Variants in XPO5 observed in about 807,000 individuals in gnomAD.
XPO5 encodes exportin-5.
A neutral mutation model predicts 160.6 loss-of-function variants in XPO5; 46 were observed. The observed-to-expected ratio is 0.29, with a 90% CI of 0.23 to 0.37. The LOEUF (loss-of-function observed/expected upper bound fraction) is 0.37. Ranked by LOEUF, XPO5 falls within the 10% of genes least tolerant of loss-of-function variation. The probability of loss-of-function intolerance (pLI) is 1.00; values close to 1 mark genes in which losing one functional copy is unlikely to be tolerated. For synonymous variants in XPO5, 537 were observed against 519.3 expected, an observed-to-expected ratio of 1.03 and a Z score of -0.46; for missense variants, 1,090 against 1,463.9, an observed-to-expected ratio of 0.74 and a Z score of 4.17.
chr6:43,545,859 T>C (rs923557207), intron 20 of XPO5, among the ~76,000 whole-genome samples: 1 of 152,202 alleles, frequency 6.6e-6, no homozygotes, highest in Non-Finnish European at 1.5e-5. Flanking sequence ...GATAAGCCTA[T>C]ACTGGCCTAC....
intron 20 of XPO5, among the ~76,000 whole-genome samples, chr6:43,538,468 A>T (rs1048297714): frequency 6.6e-6 from 1 of 152,122 alleles, no homozygotes; most frequent in Non-Finnish European, 1.5e-5. Flanking sequence ...TGACTAAGAG[A>T]TATCTTAAAT....
chr6:43,546,402 G>A (rs1794965670), intron 20 of XPO5, among the ~76,000 whole-genome samples, 169 bp downstream of exon 20: 1 of 152,206 alleles, frequency 6.6e-6, no homozygotes, highest in Non-Finnish European at 1.5e-5. Context: ...ATGCAAGTGA[G>A]AGCTGATGTT....
intron 20 of XPO5, among the ~76,000 whole-genome samples, chr6:43,535,553 G>C (rs1449030663): frequency 6.6e-6 from 1 of 151,408 alleles, no homozygotes; most frequent in East Asian, 1.9e-4. Flanking sequence ...GTTTGTTCTT[G>C]CTTAAGAAGT....
intron 21 of XPO5, among the ~76,000 whole-genome samples, chr6:43,532,753 C>T (rs1326763094): frequency 6.6e-6 from 1 of 152,200 alleles, no homozygotes; most frequent in African/African-American, 2.4e-5. Context: ...CAGAGCCCTG[C>T]CACTTTCCTT....
intron 27 of XPO5, 119 bp downstream of exon 27, chr6:43,526,563 AGAT>A (rs1412592321): frequency 9.1e-6 from 10 of 1,103,900 alleles, no homozygotes; most frequent in African/African-American, 1.6e-5. Context: ...GCTGGTCCAG[AGAT>A]GATAACTACA....
In XPO5 at chr6:43,565,721, G is replaced by A; in HGVS notation, c.850C>T (p.Arg284Trp). Residue 284 changes from arginine (R) to tryptophan (W), a missense_variant, in exon 8 of 32, where the codon CGG (arginine) becomes TGG (tryptophan). By Grantham distance (101) the Arg-to-Trp change is moderately radical. Around this residue, in one of 3 missense-constraint regions of XPO5, gnomAD observed 810 missense variants for 1,139.0 expected, o/e 0.71. Transcript: ENST00000265351. ...AVSRKGKLED[R>W]KPLMVLFGDV... Reference sequence around the variant, plus strand: ...CCAAATAAGACCATCAAGGGCTTCCGGTCTTCCAACTTGCCCTAGACCCAA... The same window carrying A: ...CCAAATAAGACCATCAAGGGCTTCCAGTCTTCCAACTTGCCCTAGACCCAA... 2 of 1,608,414 alleles carry A rather than the reference G, an allele frequency of 1.2e-6. No homozygotes were observed. Among genetic ancestry groups the A allele is most frequent in the Non-Finnish European group, 1.7e-6 (2 of 1,177,412 alleles).
chr6:43,566,584 A>C, intron 7 of XPO5: 1 of 376,294 alleles, frequency 2.7e-6, no homozygotes, highest in South Asian at 2.0e-5. Flanking sequence ...TGAGGAGGGC[A>C]GATCACTTGA....
intron 20 of XPO5, 24 bp from the exon 21 acceptor site, chr6:43,534,031 G>C (rs757791620): frequency 1.3e-6 from 2 of 1,563,388 alleles, no homozygotes; most frequent in Admixed American, 1.7e-5. Context: ...GAATGCTATT[G>C]AGCTTTTCCA....
chr6:43,533,691 C>T (rs1019153633), intron 21 of XPO5: 5 of 303,594 alleles, frequency 1.6e-5, no homozygotes, highest in African/African-American at 4.3e-5. Context: ...TTTTAAAGTT[C>T]GTCTGGCGTT....
At chr6:43,551,695 C>A (rs184013713) in intron 14 of XPO5, among the ~76,000 whole-genome samples, 8 of 151,852 alleles carry the variant, frequency 5.3e-5, no homozygotes, top group Admixed American at 3.9e-4. Context: ...TGGATACTTT[C>A]TAAAATTTTT....
Position 43,560,160 on chromosome 6 carries a change from T to A in XPO5, c.1221+18A>T. ...TGTATTCACCTACATTCCACATGTT[T>A]AGATTCCCATTATATACCTTGACCA... On this transcript the variant is annotated intron_variant, in intron 11 of 31. Coordinates refer to ENST00000265351, the MANE Select transcript of XPO5 (RefSeq NM_020750.3). 1 of 1,610,668 alleles carries A rather than the reference T, an allele frequency of 6.2e-7. No individual in the cohort carries two copies. Among genetic ancestry groups the A allele is most frequent in the East Asian group, 2.2e-5 (1 of 44,830 alleles).
rs544475398 is a variant in XPO5 at position 43,535,738 on chromosome 6, C to T, written c.2343-1731G>A. 2.8e-4 allele frequency among the ~76,000 whole-genome samples: 42 copies of T among 148,374 alleles called. No homozygotes were observed. The South Asian group carries it at 7.6e-3, about 27-fold the overall frequency. The stretch of plus-strand genomic sequence containing the variant: ...CTGAGGTGGGAGAATGGCGTGAACC[C>T]GGGAGGCGGAGCTTGCAATGAGCTG... On this transcript the variant is annotated intron_variant, in intron 20 of 31. Coordinates refer to ENST00000265351, the MANE Select transcript of XPO5 (RefSeq NM_020750.3).
rs1211822823 is a variant in XPO5 at position 43,530,812 on chromosome 6, T to C, written c.2553A>G (p.Leu851=). 5 of 1,612,000 alleles carry C rather than the reference T, an allele frequency of 3.1e-6. No homozygotes were observed. The Admixed American group carries it at 5.0e-5, about 16-fold the overall frequency. ...STLYENCFHI[L]GKAGPSMQQD... is the part of the protein sequence containing the mutation. The stretch of plus-strand genomic sequence containing the variant: ...GCTGCATGGAAGGGCCTGCCTTCCC[T>C]AGGATATGAAAACTGTAAAGGGGAA... The change falls in exon 23 of 32, where the codon CTA becomes CTG. Residue 851 remains leucine (L), a synonymous_variant. Transcript: ENST00000265351.
At chr6:43,555,319 TTA>T (rs1285783562) in intron 13 of XPO5, 1 of 153,254 alleles carries the variant, frequency 6.5e-6, no homozygotes, top group African/African-American at 2.4e-5. Flanking sequence ...TACAGAGAAG[TTA>T]ACTGGCTGAG....
At chr6:43,565,530 A>G (rs2127749910) in intron 8 of XPO5, 130 bp downstream of exon 8, 4 of 766,748 alleles carry the variant, frequency 5.2e-6, no homozygotes, top group African/African-American at 1.8e-5. Flanking sequence ...GCGCCACTGC[A>G]CTCCAGCCTG....
chr6:43,526,118 C>T (rs1793571533), intron 27 of XPO5, 197 bp from the exon 28 acceptor site: 1 of 572,452 alleles, frequency 1.7e-6, no homozygotes, highest in Non-Finnish European at 3.1e-6. Context: ...TCAAGCTGTA[C>T]ATGAGGGAAA....
At chr6:43,568,097 A>G (rs1220201040) in intron 6 of XPO5, among the ~76,000 whole-genome samples, 4 of 151,548 alleles carry the variant, frequency 2.6e-5, no homozygotes, top group Admixed American at 2.6e-4. Flanking sequence ...TGATGAGGTC[A>G]GGAGATTGAG....
At position 43,546,735 on chromosome 6, in the gene XPO5, G is replaced by A. The variant is rs1378862891; in HGVS notation, c.2178C>T (p.Tyr726=). The part of the protein sequence containing the change: ...LNRARMSFCV[Y]SILGVVKRTC... Reference sequence around the variant, plus strand: ...TTCGTTTCACCACACCCAGAATGCTGTATACACAAAAGCTCATCTATAGAA... The same window carrying A: ...TTCGTTTCACCACACCCAGAATGCTATATACACAAAAGCTCATCTATAGAA... Residue 726 remains tyrosine (Y), a synonymous_variant, in exon 20 of 32, where the codon TAC becomes TAT. Coordinates refer to ENST00000265351, the MANE Select transcript of XPO5 (RefSeq NM_020750.3). 1.9e-6 allele frequency: 3 copies of A among 1,599,358 alleles called. No individual in the cohort carries two copies. Among genetic ancestry groups the A allele is most frequent in the African/African-American group, 2.7e-5 (2 of 73,784 alleles).
chr6:43,531,465 C>G lies in XPO5; in HGVS notation c.2540+14G>C. 6.2e-7 allele frequency: 1 copy of G among 1,606,424 alleles called. No individual in the cohort carries two copies. The highest frequency in any genetic ancestry group is 8.5e-7 in the Non-Finnish European group (1 of 1,172,984). ...CGAGGAAGAAAATATGGAGAGGCAGCATTGGTTCCTTACCAGTTTTCATAG... is the reference window on the plus strand; with the variant it reads ...CGAGGAAGAAAATATGGAGAGGCAGGATTGGTTCCTTACCAGTTTTCATAG... On this transcript the variant is annotated intron_variant, in intron 22 of 31. Transcript: ENST00000265351.
Sources: gnomAD v4.1 joint callset for allele counts (sites outside exome capture counted in the v4.1 genomes callset) on GRCh38, gnomAD v4.1.1 for gene constraint, gnomAD v4.1.1 regional missense constraint, MANE v1.5 for transcripts, NCBI Gene and HGNC (gene_info 2026-07-23, HGNC 2026-07-21) for gene names.